Variants in RYR2 observed in about 807,000 individuals in gnomAD.
The protein encoded by RYR2 is cardiac muscle ryanodine receptor-calcium release channel.
RYR2 carries 227 observed loss-of-function variants against 601.1 expected under a neutral mutation model. The observed-to-expected ratio is 0.38, with a 90% CI of 0.34 to 0.42. The LOEUF is 0.42. Among genes scored for constraint, RYR2 ranks in the 10% least tolerant of loss-of-function variants. The pLI, the probability that RYR2 is intolerant of heterozygous loss-of-function variation, is 1.00. For synonymous variants in RYR2, 2,223 were observed against 2,175.1 expected (o/e 1.02, Z -0.61); for missense variants, 4,646 against 6,156.5 (o/e 0.75, Z 8.21).
At chr1:237,624,266 G>C (rs1679409681) in intron 39 of RYR2, among the ~76,000 whole-genome samples, 1 of 152,172 alleles carries the variant, frequency 6.6e-6, no homozygotes, top group South Asian at 2.1e-4. Context: ...GCACAACAGG[G>C]TGCTTCTAGT....
intron 38 of RYR2, among the ~76,000 whole-genome samples, chr1:237,619,917 A>G (rs1366351033): frequency 6.6e-6 from 1 of 152,184 alleles, no homozygotes; most frequent in Non-Finnish European, 1.5e-5. Flanking sequence ...AAGTTGTAAG[A>G]ATTTGACTAC....
At chr1:237,167,721 T>A (rs1333179255) in intron 1 of RYR2, among the ~76,000 whole-genome samples, 1 of 149,304 alleles carries the variant, frequency 6.7e-6, no homozygotes, top group Non-Finnish European at 1.5e-5. Flanking sequence ...TTTTTTTTTT[T>A]TTTTTTTTTT....
intron 62 of RYR2, among the ~76,000 whole-genome samples, chr1:237,683,770 T>C (rs574975263): frequency 1.3e-5 from 2 of 152,258 alleles, no homozygotes; most frequent in African/African-American, 2.4e-5. Context: ...CTCTGAGAAA[T>C]ACAGTCTGGC....
chr1:237,594,904 T>G lies in RYR2; in HGVS notation c.4437-594T>G, dbSNP rs866802745. ...TCACTGGGTTTTTTTTTTTTTTTTT[T>G]TTTTTTTTTTTTTTTTTTTTTTTTT... is the stretch of plus-strand genomic sequence containing the variant. On this transcript the variant is annotated intron_variant, in intron 33 of 104. Transcript: ENST00000366574. 1.2e-3 allele frequency among the ~76,000 whole-genome samples: 61 copies of G among 52,630 alleles called. 1 individual carries two copies. The highest frequency in any genetic ancestry group is 2.0e-3 in the African/African-American group (47 of 22,994). 34.5% of individuals were successfully genotyped at this position (52,630 alleles called of 152,430 possible).
At chr1:237,325,809 T>G (rs2149544448) in intron 2 of RYR2, among the ~76,000 whole-genome samples, 1 of 152,270 alleles carries the variant, frequency 6.6e-6, no homozygotes, top group Non-Finnish European at 1.5e-5. Flanking sequence ...AGTTTTCCAG[T>G]GTTGTTTGAC....
At chr1:237,664,566 C>T (rs922404009) in intron 56 of RYR2, among the ~76,000 whole-genome samples, 1 of 152,116 alleles carries the variant, frequency 6.6e-6, no homozygotes, top group South Asian at 2.1e-4. Context: ...TATGAAACCA[C>T]CAGATCTTGT....
chr1:237,406,191 TTCCC>T (rs1703868245), intron 10 of RYR2, among the ~76,000 whole-genome samples: 2 of 44,970 alleles, frequency 4.4e-5, no homozygotes, highest in African/African-American at 2.6e-4. Flanking sequence ...TCCCCTCCCC[TTCCC>T]TTCCCTCCCC....
At chr1:237,679,908 G>C (rs1216449586) in intron 61 of RYR2, among the ~76,000 whole-genome samples, 1 of 152,140 alleles carries the variant, frequency 6.6e-6, no homozygotes, top group African/African-American at 2.4e-5. Context: ...AGGAGGAATT[G>C]GCCCAAGGCC....
chr1:237,342,799 G>A (rs999201258), intron 3 of RYR2, among the ~76,000 whole-genome samples: 1 of 152,198 alleles, frequency 6.6e-6, no homozygotes, highest in African/African-American at 2.4e-5. Flanking sequence ...GAGCAGCGCA[G>A]CAAGAACACA....
chr1:237,504,822 C>T lies in RYR2; in HGVS notation c.2613+1317C>T, dbSNP rs1041370989. On this transcript the variant is annotated intron_variant, in intron 22 of 104. Coordinates refer to ENST00000366574, the MANE Select transcript of RYR2 (RefSeq NM_001035.3). ...GGTTTCCTGGAAGACAATTTTTCCA[C>T]GAGCCGGTGGGCTGGGGTTGAAGGT... Among the ~76,000 whole-genome samples the T allele has an allele frequency of 3.3e-5, 5 of 152,068 alleles. No individual in the cohort carries two copies. In the East Asian group the frequency reaches 5.8e-4, roughly 18 times the overall value.
Position 237,487,546 on chromosome 1 carries a change from C to A in RYR2, c.1709-4260C>A, listed in dbSNP as rs374170209. Among the ~76,000 whole-genome samples the A allele has an allele frequency of 2.3e-4, 34 of 144,962 alleles. No individual in the cohort carries two copies. The East Asian group carries it at 2.5e-3, about 11-fold the overall frequency. On this transcript the variant is annotated intron_variant, in intron 17 of 104. Transcript: ENST00000366574. ...GTCTGGGCAACATAATGAGACCACC[C>A]CCGTCTCTACAAAAAAAAAAAAAAA...
At chr1:237,788,911 A>G (rs1431824013) in intron 92 of RYR2, among the ~76,000 whole-genome samples, 1 of 151,974 alleles carries the variant, frequency 6.6e-6, no homozygotes, top group Non-Finnish European at 1.5e-5. Context: ...ATACACATAT[A>G]TGTGTCTCCT....
At chr1:237,175,877 C>T (rs1203801235) in intron 1 of RYR2, among the ~76,000 whole-genome samples, 1 of 152,124 alleles carries the variant, frequency 6.6e-6, no homozygotes, top group African/African-American at 2.4e-5. Flanking sequence ...TTTTGTGCTC[C>T]ATAGCATCAG....
At chr1:237,399,149 C>T (rs1703118307) in intron 10 of RYR2, among the ~76,000 whole-genome samples, 1 of 152,136 alleles carries the variant, frequency 6.6e-6, no homozygotes, top group South Asian at 2.1e-4. Flanking sequence ...GAGCTGAGAT[C>T]ATGCCACTTC....
chr1:237,632,633 TGA>T (rs1399812198), intron 42 of RYR2, among the ~76,000 whole-genome samples: 1 of 152,034 alleles, frequency 6.6e-6, no homozygotes, highest in East Asian at 1.9e-4. Flanking sequence ...CCTGACCTCA[TGA>T]TCTTCCTGCC....
At chr1:237,323,210 G>T (rs75928693) in intron 2 of RYR2, among the ~76,000 whole-genome samples, 4,027 of 152,214 alleles carry the variant, frequency 0.026, 79 homozygotes, top group Middle Eastern at 0.044. Context: ...AAACCAGTCT[G>T]CCTGAAGTGA....
intron 17 of RYR2, among the ~76,000 whole-genome samples, chr1:237,482,408 TC>T (rs1662215458): frequency 6.6e-6 from 1 of 152,140 alleles, no homozygotes; most frequent in South Asian, 2.1e-4. Flanking sequence ...GTCCATGAAC[TC>T]AAATGTTTTG....
Position 237,708,980 on chromosome 1 carries a change from G to C in RYR2, c.10024G>C (p.Ala3342Pro), listed in dbSNP as rs779445295. 1 of 1,613,796 alleles carries C rather than the reference G, an allele frequency of 6.2e-7. No individual in the cohort carries two copies. Among genetic ancestry groups the C allele is most frequent in the Non-Finnish European group, 8.5e-7 (1 of 1,179,802 alleles). The change falls in exon 69 of 105, where the codon GCT becomes CCT. Residue 3342 changes from alanine to proline, a missense_variant. Physicochemically the swap from Ala to Pro is conservative, Grantham distance 27. Transcript: ENST00000366574. ...TVVSEEDHLKAEARGDMSEAE... is the reference protein window; with the variant it reads ...TVVSEEDHLKPEARGDMSEAE... ...GGTGTCTGAGGAAGACCACCTGAAA[G>C]CTGAGGCCAGGGGGGACATGTCGGA...
chr1:237,391,343 G>T (rs1034301041), intron 10 of RYR2, among the ~76,000 whole-genome samples: 4 of 152,008 alleles, frequency 2.6e-5, no homozygotes, highest in African/African-American at 7.2e-5. Flanking sequence ...TTTGATTTTT[G>T]CACAGTGACA....
Sources: allele counts gnomAD v4.1 joint callset (sites outside exome capture counted in the v4.1 genomes callset), GRCh38; gene constraint gnomAD v4.1.1; transcripts MANE v1.5; gene names NCBI Gene and HGNC (gene_info 2026-07-23, HGNC 2026-07-21).